The following OR6C6 variants were observed in gnomAD, a reference collection of about 807,000 sequenced individuals.
OR6C6 encodes the protein olfactory receptor 6C6.
For synonymous variants in OR6C6, 140 were observed against 135.2 expected (o/e 1.04, Z -0.25); for missense variants, 411 against 366.8 (o/e 1.12, Z -0.98).
chr12:55,294,758 C>T lies in OR6C6; in HGVS notation c.475G>A (p.Val159Ile). ...TGFLIIFPPL[V>I]MGLKLDFCAS... ...CAAAAATCCAGCTTGAGTCCCATGA[C>T]CAATGGGGGAAATATGATTAAGAAT... The change falls in exon 2 of 2, where the codon GTC (valine) becomes ATC (isoleucine). Residue 159 changes from valine (V) to isoleucine (I), a missense_variant. Transcript: ENST00000358433. 1 of 1,613,858 alleles carries T rather than the reference C, an allele frequency of 6.2e-7. No individual in the cohort carries two copies. Among genetic ancestry groups the T allele is most frequent in the Non-Finnish European group, 8.5e-7 (1 of 1,179,888 alleles).
At chr12:55,295,696 T>C (rs933704782) in intron 1 of OR6C6, among the ~76,000 whole-genome samples, 8 of 152,052 alleles carry the variant, frequency 5.3e-5, no homozygotes, top group African/African-American at 1.9e-4. Context: ...ATAATTCCTG[T>C]ACTGATCAAT....
Position 55,294,906 on chromosome 12 carries a change from C to G in OR6C6, c.327G>C (p.Glu109Asp), listed in dbSNP as rs745843004. The G allele has an allele frequency of 4.6e-5, 74 of 1,613,856 alleles. No individual in the cohort carries two copies. In the Middle Eastern group the frequency reaches 6.6e-4, roughly 14 times the overall value. Residue 109 changes from glutamate (E) to aspartate (D), a missense_variant, in exon 2 of 2, where the codon GAG becomes GAC. Transcript: ENST00000358433. ...AGGACATGGCAGCCAGGAGGTAAAA[C>G]TCAGTAACTCCCGGTAAAAGGATAA... is the stretch of plus-strand genomic sequence containing the variant. ...LFFILLPGVTEFYLLAAMSYD... is the reference protein window; with the variant it reads ...LFFILLPGVTDFYLLAAMSYD...
rs537523642 is a variant in OR6C6, at chr12:55,295,364, C to A, written c.-25-107G>T. Reference sequence around the variant, plus strand: ...ATTTATCCATGTGCAAATGGTTTCTCCAGCCTGAAATTGTAGATGACACAT... The same window carrying A: ...ATTTATCCATGTGCAAATGGTTTCTACAGCCTGAAATTGTAGATGACACAT... On this transcript the variant is annotated intron_variant, in intron 1 of 1. Transcript: ENST00000358433. The A allele has an allele frequency of 4.1e-5, 22 of 535,922 alleles. No individual in the cohort carries two copies. In the South Asian group the frequency reaches 7.6e-4, roughly 19 times the overall value. 33.2% of individuals were successfully genotyped at this position (535,922 alleles called of 1,614,324 possible). A position where few individuals can be genotyped will look rare whatever the true frequency, so the allele number is the denominator to read the frequency against.
At chr12:55,295,864 C>A (rs2120400511) in intron 1 of OR6C6, among the ~76,000 whole-genome samples, 1 of 151,914 alleles carries the variant, frequency 6.6e-6, no homozygotes, top group Admixed American at 6.6e-5. Context: ...ATGGGACAAA[C>A]AAATGAAAAC....
At chr12:55,296,210 T>C (rs1376907602) in intron 1 of OR6C6, 109 bp downstream of exon 1, 2 of 151,974 alleles carry the variant, frequency 1.3e-5, no homozygotes, top group East Asian at 3.9e-4. Flanking sequence ...TAAAACACAT[T>C]TATAAAGCAT....
chr12:55,294,287 C>A lies in OR6C6; in HGVS notation c.*1G>T. On this transcript the variant is annotated 3_prime_UTR_variant, in exon 2 of 2. Coordinates refer to ENST00000358433, the MANE Select transcript of OR6C6 (RefSeq NM_001005493.2). ...GTAAAGTTGTAATTTGTAGCAGATT[C>A]TTAAAATGGTCTTTTAGAAAAACAC... 1 of 1,555,420 alleles carries A rather than the reference C, an allele frequency of 6.4e-7. No homozygotes were observed. Among genetic ancestry groups the A allele is most frequent in the Non-Finnish European group, 8.8e-7 (1 of 1,136,102 alleles).
At position 55,294,836 on chromosome 12, in the gene OR6C6, T is replaced by C; in HGVS notation, c.397A>G (p.Ile133Val). 6.2e-7 allele frequency: 1 copy of C among 1,614,122 alleles called. No homozygotes were observed. The highest frequency in any genetic ancestry group is 8.5e-7 in the Non-Finnish European group (1 of 1,180,020). ...AICKPLHYPI[I>V]MSSKVCYQLV... The stretch of plus-strand genomic sequence containing the variant: ...TGGTAGCAGACTTTGCTGCTCATAA[T>C]GATTGGATAATGCAGTGGTTTGCAG... Residue 133 changes from isoleucine to valine, a missense_variant, in exon 2 of 2, where the codon ATT (isoleucine) becomes GTT (valine). Ile to Val is a conservative substitution (Grantham distance 29, BLOSUM62 3). Coordinates refer to ENST00000358433, the MANE Select transcript of OR6C6 (RefSeq NM_001005493.2).
At position 55,294,603 on chromosome 12, in the gene OR6C6, T is replaced by TACCA. The variant is rs1364956585; in HGVS notation, c.626_629dup (p.Leu211GlyfsTer12). 9 of 1,614,102 alleles carry TACCA rather than the reference T, an allele frequency of 5.6e-6. No homozygotes were observed. The highest frequency in any genetic ancestry group is 7.6e-6 in the Non-Finnish European group (9 of 1,179,976). On this transcript the variant is annotated frameshift_variant, in exon 2 of 2. Coordinates refer to ENST00000358433, the MANE Select transcript of OR6C6 (RefSeq NM_001005493.2). LOFTEE classifies it low-confidence loss of function (END_TRUNC). Reference sequence around the variant, plus strand: ...TGCAAGTGTAAGAGAGAATCACTAATACCAGTGTGACCACAAGTGTCACCA... The same window carrying TACCA: ...TGCAAGTGTAAGAGAGAATCACTAATACCAACCAGTGTGACCACAAGTGTCACCA...
rs1286176705 is a variant in OR6C6 at position 55,295,396 on chromosome 12, A to G, written c.-25-139T>C. 7 of 480,466 alleles carry G rather than the reference A, an allele frequency of 1.5e-5. No individual in the cohort carries two copies. The South Asian group carries it at 3.0e-4, about 20-fold the overall frequency. The allele number at this position is 480,466 out of a possible 1,614,324, so 29.8% of individuals were successfully genotyped here. A position where few individuals can be genotyped will look rare whatever the true frequency, so the allele number is the denominator to read the frequency against. ...GAAATTGTAGATGACACATAATTAC[A>G]TACCATAGGTGAATTCAAAATTTGC... is the stretch of plus-strand genomic sequence containing the variant. On this transcript the variant is annotated intron_variant, in intron 1 of 1. Coordinates refer to ENST00000358433, the MANE Select transcript of OR6C6 (RefSeq NM_001005493.2).
In OR6C6 at chr12:55,295,160, T is replaced by C. The variant is rs771123023; in HGVS notation, c.73A>G (p.Ile25Val). The C allele has an allele frequency of 3.0e-5, 49 of 1,613,520 alleles. No homozygotes were observed. Among genetic ancestry groups the C allele is most frequent in the Non-Finnish European group, 3.6e-5 (43 of 1,179,814 alleles). Residue 25 changes from isoleucine (I) to valine (V), a missense_variant, in exon 2 of 2, where the codon ATT becomes GTT. Transcript: ENST00000358433. ...TAGTTGAGAAATAGAAACAGGAAAA[T>C]CACAATTTGCAACTGTGGGTCATCT... is the stretch of plus-strand genomic sequence containing the variant. The part of the protein sequence containing the change: ...LTDDPQLQIV[I>V]FLFLFLNYTL...
In OR6C6 at chr12:55,294,446, T is replaced by A. The variant is rs761611316; in HGVS notation, c.787A>T (p.Lys263Ter). The A allele has an allele frequency of 6.2e-7, 1 of 1,613,840 alleles. No homozygotes were observed. The highest frequency in any genetic ancestry group is 8.5e-7 in the Non-Finnish European group (1 of 1,179,746). The change falls in exon 2 of 2, where the codon AAA becomes TAA. Residue 263 changes from lysine (K) to a stop codon, truncating the protein, a stop_gained. Coordinates refer to ENST00000358433, the MANE Select transcript of OR6C6 (RefSeq NM_001005493.2). LOFTEE classifies it low-confidence loss of function (END_TRUNC). ...CCTTTGGATACAGTCACTCTTTCTTTTGCAGATGGTTTAATATACATAAAG... is the reference window on the plus strand; with the variant it reads ...CCTTTGGATACAGTCACTCTTTCTTATGCAGATGGTTTAATATACATAAAG... Reference protein sequence around the residue: ...CIFMYIKPSAKERVTVSKGVA... With the variant: ...CIFMYIKPSA
In OR6C6 at chr12:55,295,188, C is replaced by G. The variant is rs1337108588; in HGVS notation, c.45G>C (p.Leu15Phe). 1 of 1,612,772 alleles carries G rather than the reference C, an allele frequency of 6.2e-7. No individual in the cohort carries two copies. Among genetic ancestry groups the G allele is most frequent in the Non-Finnish European group, 8.5e-7 (1 of 1,179,092 alleles). ...SMEIEFILLG[L>F]TDDPQLQIVI... ...CAATTTGCAACTGTGGGTCATCTGTCAATCCTAGGAGAATGAACTCTATTT... is the reference window on the plus strand; with the variant it reads ...CAATTTGCAACTGTGGGTCATCTGTGAATCCTAGGAGAATGAACTCTATTT... The change falls in exon 2 of 2, where the codon TTG (leucine) becomes TTC (phenylalanine). Residue 15 changes from leucine (L) to phenylalanine (F), a missense_variant. By Grantham distance (22) the Leu-to-Phe change is conservative. Coordinates refer to ENST00000358433, the MANE Select transcript of OR6C6 (RefSeq NM_001005493.2).
chr12:55,294,811 TG>T lies in OR6C6; in HGVS notation c.421del (p.Gln141AsnfsTer8). ...PIIMSSKVCY[Q>X]LVLSSWVTGF... is the part of the protein sequence containing the mutation. ...AGTTACCCAAGAGCTAAGTACAAGTTGGTAGCAGACTTTGCTGCTCATAATG... is the reference window on the plus strand; with the variant it reads ...AGTTACCCAAGAGCTAAGTACAAGTTGTAGCAGACTTTGCTGCTCATAATG... On this transcript the variant is annotated frameshift_variant, in exon 2 of 2. Transcript: ENST00000358433. LOFTEE classifies it low-confidence loss of function (END_TRUNC). 1 of 1,614,048 alleles carries T rather than the reference TG, an allele frequency of 6.2e-7. No individual in the cohort carries two copies. Among genetic ancestry groups the T allele is most frequent in the Non-Finnish European group, 8.5e-7 (1 of 1,179,938 alleles).
rs1480646281 is a variant in OR6C6 at position 55,294,319 on chromosome 12, T to G, written c.914A>C (p.Lys305Thr). Residue 305 changes from lysine (K) to threonine (T), a missense_variant, in exon 2 of 2, where the codon AAG becomes ACG. Physicochemically the swap from Lys to Thr is moderately conservative, Grantham distance 78 (BLOSUM62 -1). Transcript: ENST00000358433. ...VKEVFWDVLQ[K>T]NLCFSKRPF ...TGGTCTTTTAGAAAAACACAAATTC[T>G]TTTGTAATACATCCCAGAAGACTTC... is the stretch of plus-strand genomic sequence containing the variant. 1.9e-6 allele frequency: 3 copies of G among 1,599,576 alleles called. No homozygotes were observed. The African/African-American group carries it at 4.1e-5, about 22-fold the overall frequency.
rs1868256393 is a variant in OR6C6, at chr12:55,296,373, A to G, written c.-80T>C. On this transcript the variant is annotated 5_prime_UTR_variant, in exon 1 of 2. Coordinates refer to ENST00000358433, the MANE Select transcript of OR6C6 (RefSeq NM_001005493.2). ...TGTGTGCACGGAAGAGATGCATGCT[A>G]ACATAATTAGTGACAATTCTACTCA... The G allele has an allele frequency of 6.6e-6, 1 of 151,966 alleles. No homozygotes were observed. Among genetic ancestry groups the G allele is most frequent in the Non-Finnish European group, 1.5e-5 (1 of 67,920 alleles). The allele number at this position is 151,966 out of a possible 1,614,324, so 9.4% of individuals were successfully genotyped here.
Position 55,294,708 on chromosome 12 carries a change from A to C in OR6C6, c.525T>G (p.Phe175Leu). ...GCAGAATAGGAGAAGTTTCACACAT[A>C]AAGTGGTCAATAGTTTTGGAAGCAC... ...DFCASKTIDHFMCETSPILQI... is the reference protein window; with the variant it reads ...DFCASKTIDHLMCETSPILQI... Residue 175 changes from phenylalanine to leucine, a missense_variant, in exon 2 of 2, where the codon TTT becomes TTG. Phe to Leu is a conservative substitution (Grantham distance 22). Coordinates refer to ENST00000358433, the MANE Select transcript of OR6C6 (RefSeq NM_001005493.2). 1 of 1,614,130 alleles carries C rather than the reference A, an allele frequency of 6.2e-7. No homozygotes were observed. The highest frequency in any genetic ancestry group is 1.3e-5 in the African/African-American group (1 of 75,050).
intron 1 of OR6C6, among the ~76,000 whole-genome samples, chr12:55,295,643 A>C (rs1294361753): frequency 6.6e-6 from 1 of 151,986 alleles, no homozygotes; most frequent in Non-Finnish European, 1.5e-5. Context: ...TTTTATAACG[A>C]GTATGAGGAT....
Position 55,294,239 on chromosome 12 carries a change from C to T in OR6C6, c.*49G>A, listed in dbSNP as rs747498083. The T allele has an allele frequency of 5.1e-6, 6 of 1,178,108 alleles. No homozygotes were observed. Among genetic ancestry groups the T allele is most frequent in the Non-Finnish European group, 7.4e-6 (6 of 813,150 alleles). The allele number at this position is 1,178,108 out of a possible 1,614,324, so 73.0% of individuals were successfully genotyped here. On this transcript the variant is annotated 3_prime_UTR_variant, in exon 2 of 2. Coordinates refer to ENST00000358433, the MANE Select transcript of OR6C6 (RefSeq NM_001005493.2). ...TGATTACAGGCATGAGCCACCATGC[C>T]AGGCCGTTTTCCAGTTTTTATGGTA...
At chr12:55,295,388 A>G in intron 1 of OR6C6, 131 bp from the exon 2 acceptor site, 1 of 494,650 alleles carries the variant, frequency 2.0e-6, no homozygotes. Context: ...TAGATGACAC[A>G]TAATTACATA....
Sources: gnomAD v4.1 joint callset for allele counts (sites outside exome capture counted in the v4.1 genomes callset) on GRCh38, gnomAD v4.1.1 for gene constraint, MANE v1.5 for transcripts, NCBI Gene and HGNC (gene_info 2026-07-23, HGNC 2026-07-21) for gene names.